Variants in PSMD1 observed in about 807,000 individuals in gnomAD.
PSMD1 encodes the protein proteasome 26S subunit, non-ATPase 1, also known as 26S proteasome non-ATPase regulatory subunit 1.
In PSMD1, 18 loss-of-function variants were observed where a neutral mutation model predicts 119.0. That is an observed-to-expected ratio of 0.15 (90% CI 0.10 to 0.22). PSMD1 has a LOEUF of 0.22. Among genes scored for constraint, PSMD1 ranks in the 10% least tolerant of loss-of-function variants. The probability of loss-of-function intolerance (pLI) is 1.00; values close to 1 mark genes in which losing one functional copy is unlikely to be tolerated. For synonymous variants in PSMD1, 374 were observed against 396.6 expected (o/e 0.94, Z 0.68); for missense variants, 702 against 1,158.5 (o/e 0.61, Z 5.72).
At position 231,170,530 on chromosome 2, in the gene PSMD1, A is replaced by T; in HGVS notation, c.2716-36A>T. The T allele has an allele frequency of 6.5e-7, 1 of 1,537,984 alleles. No homozygotes were observed. Among genetic ancestry groups the T allele is most frequent in the South Asian group, 1.3e-5 (1 of 79,108 alleles). On this transcript the variant is annotated intron_variant, in intron 23 of 24. Coordinates refer to ENST00000308696, the MANE Select transcript of PSMD1 (RefSeq NM_002807.4). This position sits in a 1 kb window ranked among gnomAD's most constrained non-coding sequence, Gnocchi z 4.1. The stretch of plus-strand genomic sequence containing the variant: ...CTAGATTGTGGAGCACGCTTGAAAT[A>T]TGAGTGTACGCTTCTGCACGCCCCT...
In PSMD1 at chr2:231,072,269, A is replaced by G. The variant is rs147551981; in HGVS notation, c.735A>G (p.Ala245=). The G allele has an allele frequency of 7.2e-5, 116 of 1,613,940 alleles. 1 individual carries two copies. The African/African-American group carries it at 1.4e-3, about 19-fold the overall frequency. The change falls in exon 7 of 25, where the codon GCA becomes GCG. Residue 245 remains alanine, a synonymous_variant. Transcript: ENST00000308696. ...KLVKEDNLLM[A]YQICFDLYES... ...TAAAGGAAGACAACCTCCTGATGGCATATCAGATTTGTTTTGATTTGTATG... is the reference window on the plus strand; with the variant it reads ...TAAAGGAAGACAACCTCCTGATGGCGTATCAGATTTGTTTTGATTTGTATG...
chr2:231,146,041 T>C (rs764504522), intron 17 of PSMD1, among the ~76,000 whole-genome samples, 199 bp from the exon 18 acceptor site: 11 of 152,122 alleles, frequency 7.2e-5, no homozygotes, highest in Non-Finnish European at 1.2e-4. Flanking sequence ...ACATACATTA[T>C]ACTAGGCCTA....
chr2:231,106,646 G>C (rs1461951657), intron 16 of PSMD1, among the ~76,000 whole-genome samples: 1 of 152,064 alleles, frequency 6.6e-6, no homozygotes, highest in Non-Finnish European at 1.5e-5. Flanking sequence ...TTGTAAGCAA[G>C]GAAATTTTTC....
intron 16 of PSMD1, among the ~76,000 whole-genome samples, chr2:231,129,051 A>T (rs1695794573): frequency 1.3e-5 from 2 of 152,188 alleles, no homozygotes; most frequent in Admixed American, 1.3e-4. Context: ...TATCTTTTGG[A>T]GTAGATATGC....
chr2:231,150,395 T>G (rs1696347876), intron 18 of PSMD1, among the ~76,000 whole-genome samples: 1 of 151,666 alleles, frequency 6.6e-6, no homozygotes, highest in Non-Finnish European at 1.5e-5. Flanking sequence ...TATATACAGA[T>G]ATATATACAC....
intron 17 of PSMD1, among the ~76,000 whole-genome samples, chr2:231,145,562 T>A (rs1696233435): frequency 6.6e-6 from 1 of 152,170 alleles, no homozygotes; most frequent in African/African-American, 2.4e-5. Flanking sequence ...TTTTTAATTA[T>A]TTTTAATTTT....
intron 17 of PSMD1, among the ~76,000 whole-genome samples, chr2:231,140,648 C>A (rs948184405): frequency 6.6e-6 from 1 of 151,950 alleles, no homozygotes; most frequent in Non-Finnish European, 1.5e-5. Flanking sequence ...GAGGCCCAGG[C>A]GGTTGGATAA....
chr2:231,072,374 A>G lies in PSMD1; in HGVS notation c.840A>G (p.Gly280=). 6.2e-7 allele frequency: 1 copy of G among 1,613,902 alleles called. No homozygotes were observed. Among genetic ancestry groups the G allele is most frequent in the African/African-American group, 1.3e-5 (1 of 75,040 alleles). The change falls in exon 7 of 25, where the codon GGA becomes GGG. Residue 280 remains glycine, a synonymous_variant. Transcript: ENST00000308696. ...TVGTPIASVP[G]STNTGTVPGS... Reference sequence around the variant, plus strand: ...GCACCCCTATTGCTTCTGTGCCTGGATCCACTAATACGGGTACTGTTCCGG... The same window carrying G: ...GCACCCCTATTGCTTCTGTGCCTGGGTCCACTAATACGGGTACTGTTCCGG...
At chr2:231,123,457 A>T in intron 16 of PSMD1, 1 of 1,614,094 alleles carries the variant, frequency 6.2e-7, no homozygotes, top group South Asian at 1.1e-5. Flanking sequence ...AAACAATCCA[A>T]CCAGCAAATC....
At position 231,151,797 on chromosome 2, in the gene PSMD1, A is replaced by G. The variant is rs193137189; in HGVS notation, c.2116-1767A>G. On this transcript the variant is annotated intron_variant, in intron 18 of 24. Coordinates refer to ENST00000308696, the MANE Select transcript of PSMD1 (RefSeq NM_002807.4). ...TCGAACCAGAATAAAAGCGTCAAAC[A>G]TGAGAATTTTTTTTTTTTTTTTTTT... Among the ~76,000 whole-genome samples the G allele has an allele frequency of 4.8e-3, 710 of 149,180 alleles. 3 individuals carry two copies. Among genetic ancestry groups the G allele is most frequent in the African/African-American group, 0.016 (650 of 40,212 alleles).
At chr2:231,103,732 A>C (rs1252060355) in intron 16 of PSMD1, among the ~76,000 whole-genome samples, 4 of 152,184 alleles carry the variant, frequency 2.6e-5, no homozygotes, top group Non-Finnish European at 5.9e-5. Flanking sequence ...AACTCATCTA[A>C]GGCAACTAGA....
At chr2:231,168,500 T>C (rs1378442164) in intron 23 of PSMD1, among the ~76,000 whole-genome samples, 3 of 152,202 alleles carry the variant, frequency 2.0e-5, no homozygotes, top group Non-Finnish European at 4.4e-5. Flanking sequence ...TATGCTACAG[T>C]GTGTGTGAAC....
At chr2:231,065,261 G>GTTTTTTGT (rs112352263) in intron 4 of PSMD1, among the ~76,000 whole-genome samples, 3,035 of 150,154 alleles carry the variant, frequency 0.02, 118 homozygotes, top group African/African-American at 0.07. Flanking sequence ...GGGTGACTGG[G>GTTTTTTGT]TTTTTTGTTT....
chr2:231,128,411 T>C (rs1450636343), intron 16 of PSMD1, among the ~76,000 whole-genome samples: 1 of 152,236 alleles, frequency 6.6e-6, no homozygotes, highest in African/African-American at 2.4e-5. Context: ...TCCTCTCATG[T>C]TCATTCTCTT....
chr2:231,070,030 T>C lies in PSMD1; in HGVS notation c.516T>C (p.Asp172=). Reference sequence around the variant, plus strand: ...CTTTAAACTATCTCTTTCAGAATGATGTCCCAGGAATGTTAGCTTATAGCC... The same window carrying C: ...CTTTAAACTATCTCTTTCAGAATGACGTCCCAGGAATGTTAGCTTATAGCC... The part of the protein sequence containing the change: ...VFEKTILESN[D]VPGMLAYSLK... Residue 172 remains aspartate, a synonymous_variant, in exon 6 of 25, where the codon GAT becomes GAC. Transcript: ENST00000308696. 2 of 1,452,476 alleles carry C rather than the reference T, an allele frequency of 1.4e-6. No homozygotes were observed. The highest frequency in any genetic ancestry group is 1.8e-6 in the Non-Finnish European group (2 of 1,095,426). The allele number at this position is 1,452,476 out of a possible 1,614,324, so 90.0% of individuals were successfully genotyped here. A position where few individuals can be genotyped will look rare whatever the true frequency, so the allele number is the denominator to read the frequency against.
intron 17 of PSMD1, among the ~76,000 whole-genome samples, chr2:231,142,232 G>A (rs1240510131): frequency 6.6e-6 from 1 of 152,102 alleles, no homozygotes; most frequent in Non-Finnish European, 1.5e-5. Flanking sequence ...TATTTGGGGG[G>A]AGAATTTCTT....
At chr2:231,086,967 G>A (rs1694467010) in intron 15 of PSMD1, 150 bp from the exon 16 acceptor site, 3 of 495,476 alleles carry the variant, frequency 6.1e-6, no homozygotes, top group Non-Finnish European at 1.1e-5. Flanking sequence ...TTCATTTATT[G>A]TATATGTTTA....
At chr2:231,071,452 G>C (rs1694039824) in intron 6 of PSMD1, among the ~76,000 whole-genome samples, 1 of 152,022 alleles carries the variant, frequency 6.6e-6, no homozygotes, top group Non-Finnish European at 1.5e-5. Flanking sequence ...ATTGTATACA[G>C]TCTTTAACAT....
chr2:231,083,908 G>T (rs2125173782), intron 14 of PSMD1, 145 bp downstream of exon 14: 1 of 798,198 alleles, frequency 1.3e-6, no homozygotes, highest in East Asian at 2.7e-5. Context: ...AAGCCTAATA[G>T]AATTTAAGAA....
Sources: gnomAD v4.1 joint callset for allele counts (sites outside exome capture counted in the v4.1 genomes callset) on GRCh38, gnomAD v4.1.1 for gene constraint, Gnocchi (gnomAD v3.1) non-coding constraint, MANE v1.5 for transcripts, NCBI Gene and HGNC (gene_info 2026-07-23, HGNC 2026-07-21) for gene names.